Variants in AQP4 observed in about 807,000 individuals in gnomAD.
The protein encoded by AQP4 is aquaporin-4.
A neutral mutation model predicts 27.8 loss-of-function variants in AQP4; 18 were observed. That is an observed-to-expected ratio of 0.65 (90% CI 0.45 to 0.96). AQP4 has a LOEUF of 0.96. Ranked by LOEUF, AQP4 falls within the 40% of genes least tolerant of loss-of-function variation. The pLI is 0.00. For missense variants in AQP4, 412 were observed against 408.2 expected, an observed-to-expected ratio of 1.01 and a Z score of -0.08; for synonymous variants, 141 against 142.9, an observed-to-expected ratio of 0.99 and a Z score of 0.10.
chr18:26,862,934 T>C (rs2054981757), intron 1 of AQP4: 1 of 308,022 alleles, frequency 3.2e-6, no homozygotes, highest in Non-Finnish European at 6.2e-6. Context: ...AGTTTTTAAG[T>C]TTCGAGTACA....
intron 1 of AQP4, among the ~76,000 whole-genome samples, chr18:26,863,999 G>T (rs111603961): frequency 1.4e-5 from 2 of 141,132 alleles, no homozygotes; most frequent in Non-Finnish European, 2.9e-5. Context: ...CCTTTTGGGG[G>T]GGGGGGGCAA....
At position 26,862,388 on chromosome 18, in the gene AQP4, T is replaced by C. The variant is rs778332411; in HGVS notation, c.241A>G (p.Ile81Val). The C allele has an allele frequency of 6.2e-7, 1 of 1,614,210 alleles. No homozygotes were observed. Among genetic ancestry groups the C allele is most frequent in the African/African-American group, 1.3e-5 (1 of 75,058 alleles). ...CCAAAGCACTGCACCATGGTTGCAA[T>C]GCTGAGTCCAAAGCAAAGGGAGATG... ...VLISLCFGLS[I>V]ATMVQCFGHI... Residue 81 changes from isoleucine (I) to valine (V), a missense_variant, in exon 2 of 5, where the codon ATT (isoleucine) becomes GTT (valine). By Grantham distance (29) the Ile-to-Val change is conservative (BLOSUM62 3). Transcript: ENST00000383168.
Position 26,855,189 on chromosome 18 carries a change from TAATC to T in AQP4, c.*1018_*1021del, listed in dbSNP as rs1223710271. ...ACCTTCTAGAGTGAACACAGCTTAATAATCAACAAAAAGCCAGGACTCAACTAGC... is the reference window on the plus strand; with the variant it reads ...ACCTTCTAGAGTGAACACAGCTTAATAACAAAAAGCCAGGACTCAACTAGC... On this transcript the variant is annotated 3_prime_UTR_variant, in exon 5 of 5. Transcript: ENST00000383168. 31 of 152,316 alleles carry T rather than the reference TAATC, an allele frequency of 2.0e-4. No individual in the cohort carries two copies. The highest frequency in any genetic ancestry group is 7.7e-4 in the East Asian group (4 of 5,194). The allele number at this position is 152,316 out of a possible 1,614,324, so 9.4% of individuals were successfully genotyped here.
At chr18:26,865,760 G>T (rs745792353), upstream of AQP4, 2 of 1,584,436 alleles carry the variant, frequency 1.3e-6, no homozygotes, top group East Asian at 4.5e-5. Flanking sequence ...GTCAGATTAC[G>T]GCCACTTGTC....
At chr18:26,864,084 A>G (rs1370230874) in intron 1 of AQP4, among the ~76,000 whole-genome samples, 1 of 152,050 alleles carries the variant, frequency 6.6e-6, no homozygotes, top group Non-Finnish European at 1.5e-5. Flanking sequence ...GCCAAGAAGT[A>G]TGGAGAGTAT....
chr18:26,860,756 T>C lies in AQP4; in HGVS notation c.693+16A>G. On this transcript the variant is annotated intron_variant, in intron 4 of 4. Coordinates refer to ENST00000383168, the MANE Select transcript of AQP4 (RefSeq NM_001650.7). ...CTCAACTGTAGGAAGATGGGAACTA[T>C]CAATATGAGGGTTACCCAATGGTTT... 6.2e-7 allele frequency: 1 copy of C among 1,604,608 alleles called. No individual in the cohort carries two copies. The highest frequency in any genetic ancestry group is 1.1e-5 in the South Asian group (1 of 90,910).
chr18:26,861,736 A>G (rs1414347512), intron 2 of AQP4, among the ~76,000 whole-genome samples: 1 of 152,196 alleles, frequency 6.6e-6, no homozygotes, highest in Non-Finnish European at 1.5e-5. Flanking sequence ...TTAACAATTG[A>G]TACTCCTAAT....
Position 26,855,121 on chromosome 18 carries a change from G to C in AQP4, c.*1090C>G, listed in dbSNP as rs1004429957. The C allele has an allele frequency of 3.9e-5, 6 of 152,182 alleles. No individual in the cohort carries two copies. The highest frequency in any genetic ancestry group is 1.4e-4 in the African/African-American group (6 of 41,432). 9.4% of individuals were successfully genotyped at this position (152,182 alleles called of 1,614,324 possible). A position where few individuals can be genotyped will look rare whatever the true frequency, so the allele number is the denominator to read the frequency against. The stretch of plus-strand genomic sequence containing the variant: ...CTTGCAGTAAAGATTATCAACAAAT[G>C]TCACGAGAAGTGAGAGAGCAGAGAT... On this transcript the variant is annotated 3_prime_UTR_variant, in exon 5 of 5. Transcript: ENST00000383168.
intron 4 of AQP4, among the ~76,000 whole-genome samples, chr18:26,857,372 G>A (rs1462006677): frequency 2.0e-5 from 3 of 151,556 alleles, no homozygotes; most frequent in African/African-American, 7.3e-5. Flanking sequence ...CTGTCACCTA[G>A]GCTGGAGTGC....
chr18:26,864,106 T>A (rs1007580834), intron 1 of AQP4, among the ~76,000 whole-genome samples: 1 of 152,058 alleles, frequency 6.6e-6, no homozygotes, highest in Non-Finnish European at 1.5e-5. Flanking sequence ...TACCAGAGAA[T>A]CTAATTGCAG....
In AQP4 at chr18:26,865,696, C is replaced by T. The variant is rs1236346832; in HGVS notation, c.-7G>A. 1.2e-6 allele frequency: 2 copies of T among 1,614,080 alleles called. No homozygotes were observed. The highest frequency in any genetic ancestry group is 1.7e-6 in the Non-Finnish European group (2 of 1,180,052). On this transcript the variant is annotated 5_prime_UTR_variant, in exon 1 of 5. Coordinates refer to ENST00000383168, the MANE Select transcript of AQP4 (RefSeq NM_001650.7). ...CTGTGGGTCTGTCACTCATGCCTTC[C>T]CCAGCCAGAGTGCAGCTCTCATTGC...
upstream of AQP4, chr18:26,865,724 G>GC: frequency 6.2e-7 from 1 of 1,613,890 alleles, no homozygotes; most frequent in East Asian, 2.2e-5. Context: ...CTCATTGCCT[G>GC]CCCCGCAGCT....
chr18:26,865,579 G>A, intron 1 of AQP4, 79 bp downstream of exon 1: 1 of 1,589,790 alleles, frequency 6.3e-7, no homozygotes, highest in South Asian at 1.1e-5. Flanking sequence ...GCCTAAGAAG[G>A]CACAAACATC....
At chr18:26,862,757 T>G (rs2054978163) in intron 1 of AQP4, 161 bp from the exon 2 acceptor site, 17 of 841,770 alleles carry the variant, frequency 2.0e-5, no homozygotes, top group Non-Finnish European at 3.1e-5. Flanking sequence ...CCTTCATGAA[T>G]AGTCAAGAGA....
rs761734162 is a variant in AQP4, at chr18:26,852,817, G to A, written c.*3394C>T. 26 of 398,338 alleles carry A rather than the reference G, an allele frequency of 6.5e-5. No individual in the cohort carries two copies. The highest frequency in any genetic ancestry group is 6.2e-4 in the Middle Eastern group (1 of 1,610). The allele number at this position is 398,338 out of a possible 1,614,324, so 24.7% of individuals were successfully genotyped here. A position where few individuals can be genotyped will look rare whatever the true frequency, so the allele number is the denominator to read the frequency against. On this transcript the variant is annotated 3_prime_UTR_variant, in exon 5 of 5. Transcript: ENST00000383168. ...ATAGTGCTTATGAGAATTTATATTG[G>A]CTTTTATATTGTTTGATAAGGTTGT...
chr18:26,862,747 C>G lies in AQP4; in HGVS notation c.33-151G>C, dbSNP rs74349752. On this transcript the variant is annotated intron_variant, in intron 1 of 4. Coordinates refer to ENST00000383168, the MANE Select transcript of AQP4 (RefSeq NM_001650.7). Reference sequence around the variant, plus strand: ...AAGAAAGAATGCTTCTGCTAAAGCTCCTTCATGAATAGTCAAGAGACTGTT... The same window carrying G: ...AAGAAAGAATGCTTCTGCTAAAGCTGCTTCATGAATAGTCAAGAGACTGTT... 6,622 of 948,230 alleles carry G rather than the reference C, an allele frequency of 7.0e-3. 274 individuals carry two copies. The African/African-American group carries it at 0.094, about 13-fold the overall frequency. 58.7% of individuals were successfully genotyped at this position (948,230 alleles called of 1,614,324 possible).
chr18:26,858,961 T>G (rs2054891125), intron 4 of AQP4, among the ~76,000 whole-genome samples: 1 of 152,192 alleles, frequency 6.6e-6, no homozygotes, highest in African/African-American at 2.4e-5. Context: ...CAAATATACT[T>G]TAAATTAGTT....
intron 4 of AQP4, among the ~76,000 whole-genome samples, 162 bp from the exon 5 acceptor site, chr18:26,856,651 C>T (rs2054850776): frequency 2.6e-5 from 4 of 151,758 alleles, no homozygotes. Context: ...ACCAAAGCCT[C>T]ATCAGAGATC....
intron 1 of AQP4, chr18:26,863,000 G>GGC (rs1555661806): frequency 1.7e-5 from 3 of 179,636 alleles, no homozygotes; most frequent in African/African-American, 2.5e-5. Context: ...TGTGCGTGGG[G>GGC]GGGGGGGGTC....
Sources: gnomAD v4.1 joint callset for allele counts (sites outside exome capture counted in the v4.1 genomes callset) on GRCh38, gnomAD v4.1.1 for gene constraint, MANE v1.5 for transcripts, NCBI Gene and HGNC (gene_info 2026-07-23, HGNC 2026-07-21) for gene names.